KCNIP4: variants seen among roughly 807,000 people sequenced by gnomAD.
KCNIP4 encodes Kv channel-interacting protein 4.
KCNIP4 carries 12 observed loss-of-function variants against 34.0 expected under a neutral mutation model. That is an observed-to-expected ratio of 0.35 (90% CI 0.23 to 0.57). The LOEUF is 0.57. Ranked by LOEUF, KCNIP4 falls within the 20% of genes least tolerant of loss-of-function variation. The pLI, the probability that KCNIP4 is intolerant of heterozygous loss-of-function variation, is 0.83. For synonymous variants in KCNIP4, 124 were observed against 102.2 expected (o/e 1.21, Z -1.29); for missense variants, 238 against 311.7 (o/e 0.76, Z 1.78).
intron 1 of KCNIP4, among the ~76,000 whole-genome samples, chr4:21,282,380 C>G (rs1172681421): frequency 6.6e-6 from 1 of 151,768 alleles, no homozygotes; most frequent in Non-Finnish European, 1.5e-5. Context: ...GTTCTGAGTT[C>G]AGGACTGTGA....
At chr4:21,518,386 C>G (rs543296534) in intron 1 of KCNIP4, among the ~76,000 whole-genome samples, 2 of 152,126 alleles carry the variant, frequency 1.3e-5, no homozygotes, top group Non-Finnish European at 2.9e-5. Context: ...TGCATTTTCT[C>G]TACAGTGGAG....
chr4:21,658,817 T>C (rs1312505423), intron 1 of KCNIP4, among the ~76,000 whole-genome samples: 3 of 152,190 alleles, frequency 2.0e-5, no homozygotes, highest in African/African-American at 7.2e-5. Flanking sequence ...CCTCACTGCA[T>C]TGCCCTGTGA....
chr4:21,149,257 GTT>G (rs1170339922), intron 1 of KCNIP4, among the ~76,000 whole-genome samples: 1 of 152,152 alleles, frequency 6.6e-6, no homozygotes, highest in Non-Finnish European at 1.5e-5. Context: ...GCATTTAACT[GTT>G]TGTTAAAATA....
intron 1 of KCNIP4, among the ~76,000 whole-genome samples, chr4:21,213,602 G>A (rs1196373102): frequency 2.0e-5 from 3 of 151,842 alleles, no homozygotes; most frequent in African/African-American, 4.8e-5. Flanking sequence ...ATGCACGGCC[G>A]AAAGCACTAC....
At chr4:21,506,952 C>T (rs1233728678) in intron 1 of KCNIP4, among the ~76,000 whole-genome samples, 2 of 151,862 alleles carry the variant, frequency 1.3e-5, no homozygotes, top group East Asian at 3.9e-4. Flanking sequence ...CCACCACATC[C>T]GTCTTTTTTT....
chr4:21,546,576 GT>G (rs1738172482), intron 1 of KCNIP4, among the ~76,000 whole-genome samples: 1 of 151,952 alleles, frequency 6.6e-6, no homozygotes, highest in African/African-American at 2.4e-5. Context: ...TAAAATGTTT[GT>G]TTTTCTTAAA....
At chr4:20,802,384 G>A (rs1051945765) in intron 3 of KCNIP4, among the ~76,000 whole-genome samples, 1 of 151,412 alleles carries the variant, frequency 6.6e-6, no homozygotes, top group Non-Finnish European at 1.5e-5. Context: ...AACCTGAAGA[G>A]CAAAATAGAA....
intron 1 of KCNIP4, among the ~76,000 whole-genome samples, chr4:21,023,312 A>G (rs1577552247): frequency 6.6e-6 from 1 of 152,294 alleles, no homozygotes; most frequent in African/African-American, 2.4e-5. Flanking sequence ...TTTAAAAAGA[A>G]CCATCTGGAA....
intron 3 of KCNIP4, among the ~76,000 whole-genome samples, chr4:20,795,997 T>C (rs1713405003): frequency 6.6e-6 from 1 of 152,164 alleles, no homozygotes. Context: ...TATACCCTCA[T>C]GCAAAAGCAT....
At chr4:21,366,518 AACAG>A (rs1224694032) in intron 1 of KCNIP4, among the ~76,000 whole-genome samples, 1 of 152,234 alleles carries the variant, frequency 6.6e-6, no homozygotes, top group Non-Finnish European at 1.5e-5. Flanking sequence ...GCCAGAGTAG[AACAG>A]ACAGAGCACT....
chr4:21,351,463 T>C (rs1012412109), intron 1 of KCNIP4, among the ~76,000 whole-genome samples: 17 of 152,212 alleles, frequency 1.1e-4, no homozygotes, highest in African/African-American at 3.9e-4. Context: ...ACCATGATTG[T>C]GAGGCCTCCC....
chr4:21,558,400 G>C (rs886881560), intron 1 of KCNIP4, among the ~76,000 whole-genome samples: 2 of 152,000 alleles, frequency 1.3e-5, no homozygotes, highest in African/African-American at 4.8e-5. Context: ...GCTTAGGCAG[G>C]ATAATTGCTT....
At chr4:20,852,876 T>C (rs1186677905) in intron 2 of KCNIP4, among the ~76,000 whole-genome samples, 1 of 152,028 alleles carries the variant, frequency 6.6e-6, no homozygotes, top group African/African-American at 2.4e-5. Context: ...CCCTTTACAA[T>C]AGCTGCAAAA....
intron 1 of KCNIP4, among the ~76,000 whole-genome samples, chr4:21,432,331 A>G (rs922146703): frequency 2.0e-5 from 3 of 151,716 alleles, no homozygotes; most frequent in Admixed American, 6.6e-5. Context: ...AAACATTGTT[A>G]GTCTACATTG....
chr4:21,876,724 GTTT>G (rs927547691), intron 1 of KCNIP4, among the ~76,000 whole-genome samples: 1 of 152,130 alleles, frequency 6.6e-6, no homozygotes, highest in Non-Finnish European at 1.5e-5. Context: ...AGGATGAAGT[GTTT>G]TTTAAAATTT....
intron 1 of KCNIP4, among the ~76,000 whole-genome samples, chr4:21,666,799 A>G (rs1057463210): frequency 6.6e-6 from 1 of 152,218 alleles, no homozygotes; most frequent in African/African-American, 2.4e-5. Context: ...GTCTTTTTAA[A>G]AGATACGCTT....
chr4:21,757,978 T>G (rs1717777495), intron 1 of KCNIP4, among the ~76,000 whole-genome samples: 1 of 152,172 alleles, frequency 6.6e-6, no homozygotes, highest in African/African-American at 2.4e-5. Context: ...GACCTTAGTA[T>G]GCCTTATTTT....
intron 1 of KCNIP4, among the ~76,000 whole-genome samples, chr4:21,359,810 T>A (rs1560326488): frequency 6.6e-6 from 1 of 152,218 alleles, no homozygotes; most frequent in East Asian, 1.9e-4. Flanking sequence ...GGTCAAACAT[T>A]TCTTGGAGAG....
chr4:21,552,629 T>C (rs1343202579), intron 1 of KCNIP4, among the ~76,000 whole-genome samples: 2 of 152,142 alleles, frequency 1.3e-5, no homozygotes, highest in Non-Finnish European at 2.9e-5. Context: ...GAGAATACTT[T>C]TATTTATAAA....
Sources: allele counts gnomAD v4.1 joint callset (sites outside exome capture counted in the v4.1 genomes callset), GRCh38; gene constraint gnomAD v4.1.1; transcripts MANE v1.5; gene names NCBI Gene and HGNC (gene_info 2026-07-23, HGNC 2026-07-21).